The following ZDHHC20 variants were observed in gnomAD, a reference collection of about 807,000 sequenced individuals.
ZDHHC20 encodes palmitoyltransferase ZDHHC20.
In ZDHHC20, 43 loss-of-function variants were observed where a neutral mutation model predicts 57.8. The observed-to-expected ratio is 0.74, with a 90% confidence interval of 0.58 to 0.96. The LOEUF is 0.96. ZDHHC20 is among the 40% of genes least tolerant of loss of function. The pLI, the probability that ZDHHC20 is intolerant of heterozygous loss-of-function variation, is 0.00. For missense variants in ZDHHC20, 391 were observed against 441.1 expected (o/e 0.89, Z 1.02); for synonymous variants, 157 against 153.0 (o/e 1.03, Z -0.19).
At position 21,459,230 on chromosome 13, in the gene ZDHHC20, G is replaced by A; in HGVS notation, c.-59C>T. On this transcript the variant is annotated 5_prime_UTR_variant, in exon 1 of 13. Coordinates refer to ENST00000400590, the MANE Select transcript of ZDHHC20 (RefSeq NM_001330059.2). Reference sequence around the variant, plus strand: ...CCGTTCTGGGGAGCGCGGGAGCCCCGGCGACGGTGACTCGGACGCTCCAGG... The same window carrying A: ...CCGTTCTGGGGAGCGCGGGAGCCCCAGCGACGGTGACTCGGACGCTCCAGG... 3 of 1,382,374 alleles carry A rather than the reference G, an allele frequency of 2.2e-6. No homozygotes were observed. The highest frequency in any genetic ancestry group is 3.0e-6 in the Non-Finnish European group (3 of 1,016,780). 85.6% of individuals were successfully genotyped at this position (1,382,374 alleles called of 1,614,324 possible). A position where few individuals can be genotyped will look rare whatever the true frequency, so the allele number is the denominator to read the frequency against.
At chr13:21,426,275 A>C (rs1881236397) in intron 1 of ZDHHC20, among the ~76,000 whole-genome samples, 1 of 152,202 alleles carries the variant, frequency 6.6e-6, no homozygotes, top group African/African-American at 2.4e-5. Context: ...TCAGTCTACC[A>C]AGCCTGAAAC....
intron 7 of ZDHHC20, among the ~76,000 whole-genome samples, chr13:21,399,866 T>C (rs557755574): frequency 4.6e-5 from 7 of 152,286 alleles, no homozygotes; most frequent in South Asian, 2.1e-4. Context: ...TTAAGCTGCA[T>C]TGCATTCCTT....
chr13:21,441,155 G>A (rs1210501191), intron 1 of ZDHHC20, among the ~76,000 whole-genome samples: 1 of 152,112 alleles, frequency 6.6e-6, no homozygotes, highest in Non-Finnish European at 1.5e-5. Context: ...ACTGGAATTA[G>A]AATTCATTTA....
At chr13:21,415,271 G>A (rs1319112875) in intron 3 of ZDHHC20, among the ~76,000 whole-genome samples, 37 of 152,076 alleles carry the variant, frequency 2.4e-4, no homozygotes, top group Admixed American at 2.4e-3. Context: ...TTCTACTCTG[G>A]TACATTTTCC....
Position 21,373,578 on chromosome 13 carries a change from G to A in ZDHHC20, c.*3118C>T, listed in dbSNP as rs1871544751. 1 of 152,216 alleles carries A rather than the reference G, an allele frequency of 6.6e-6. No individual in the cohort carries two copies. Among genetic ancestry groups the A allele is most frequent in the African/African-American group, 2.4e-5 (1 of 41,468 alleles). The allele number at this position is 152,216 out of a possible 1,614,324, so 9.4% of individuals were successfully genotyped here. A position where few individuals can be genotyped will look rare whatever the true frequency, so the allele number is the denominator to read the frequency against. On this transcript the variant is annotated 3_prime_UTR_variant, in exon 13 of 13. Coordinates refer to ENST00000400590, the MANE Select transcript of ZDHHC20 (RefSeq NM_001330059.2). ...TTGGTTTGGCATAGTTTCAGGTACT[G>A]AATATTCAAGTAAATTTGTTCCCAG...
At chr13:21,427,293 T>G (rs2137935027) in intron 1 of ZDHHC20, among the ~76,000 whole-genome samples, 1 of 152,310 alleles carries the variant, frequency 6.6e-6, no homozygotes, top group Non-Finnish European at 1.5e-5. Flanking sequence ...ATAAGTAAAC[T>G]AAGGCTCAAA....
At chr13:21,458,771 C>T (rs1190819310) in intron 1 of ZDHHC20, among the ~76,000 whole-genome samples, 2 of 152,224 alleles carry the variant, frequency 1.3e-5, no homozygotes, top group African/African-American at 2.4e-5. Flanking sequence ...TGCAGACCCC[C>T]GGTGTCGGCG....
At position 21,442,033 on chromosome 13, in the gene ZDHHC20, T is replaced by C. The variant is rs573177123; in HGVS notation, c.119-16355A>G. Among the ~76,000 whole-genome samples the C allele has an allele frequency of 5.3e-5, 8 of 152,336 alleles. No homozygotes were observed. The East Asian group carries it at 1.5e-3, about 29-fold the overall frequency. ...AAGTATTTTGTGTGTACATAAATTT[T>C]GTTTACGTTAGGTATCATAAATTTT... On this transcript the variant is annotated intron_variant, in intron 1 of 12. Transcript: ENST00000400590.
intron 7 of ZDHHC20, among the ~76,000 whole-genome samples, chr13:21,399,168 C>T (rs187104085): frequency 6.6e-6 from 1 of 152,004 alleles, no homozygotes; most frequent in South Asian, 2.1e-4. Context: ...CATGGTGAAA[C>T]CCTGTCTCTA....
chr13:21,384,704 G>A (rs1324134442), intron 9 of ZDHHC20, among the ~76,000 whole-genome samples: 1 of 152,110 alleles, frequency 6.6e-6, no homozygotes, highest in Non-Finnish European at 1.5e-5. Flanking sequence ...AGCTTGACTG[G>A]GGCGATCTCA....
At chr13:21,381,162 A>G (rs1873331464) in intron 11 of ZDHHC20, among the ~76,000 whole-genome samples, 2 of 151,708 alleles carry the variant, frequency 1.3e-5, no homozygotes, top group African/African-American at 4.8e-5. Context: ...GCCCGCCACC[A>G]CGCCCGGCTA....
intron 3 of ZDHHC20, among the ~76,000 whole-genome samples, chr13:21,415,338 T>C (rs1439182536): frequency 1.3e-5 from 2 of 152,198 alleles, no homozygotes; most frequent in African/African-American, 4.8e-5. Context: ...TACTCTAACC[T>C]GACTAAAACA....
intron 1 of ZDHHC20, among the ~76,000 whole-genome samples, chr13:21,444,007 T>C (rs1177262363): frequency 6.6e-6 from 1 of 152,034 alleles, no homozygotes. Flanking sequence ...AATACAAAAA[T>C]TAGCCAGGTG....
chr13:21,405,418 C>G (rs1878304994), intron 4 of ZDHHC20, among the ~76,000 whole-genome samples: 1 of 152,106 alleles, frequency 6.6e-6, no homozygotes, highest in Admixed American at 6.5e-5. Flanking sequence ...GGGAAAAAGA[C>G]ACAAGTCACA....
chr13:21,427,549 C>T (rs1420506866), intron 1 of ZDHHC20, among the ~76,000 whole-genome samples: 5 of 151,876 alleles, frequency 3.3e-5, no homozygotes, highest in Non-Finnish European at 7.4e-5. Context: ...AAAAACAAAG[C>T]TAGGCCGGGC....
chr13:21,400,246 G>T (rs1877427030), intron 7 of ZDHHC20, 127 bp downstream of exon 7: 1 of 879,442 alleles, frequency 1.1e-6, no homozygotes, highest in Non-Finnish European at 1.6e-6. Flanking sequence ...GTCCTCTGAT[G>T]GATTTATAAA....
At position 21,407,459 on chromosome 13, in the gene ZDHHC20, C is replaced by G. The variant is rs144093699; in HGVS notation, c.371-4593G>C. On this transcript the variant is annotated intron_variant, in intron 4 of 12. Transcript: ENST00000400590. ...GAAAAGTGTCTGTTCATACCCTTCG[C>G]CCACATTTTGATGAGGTTGTTTTTT... is the stretch of plus-strand genomic sequence containing the variant. 2.4e-4 allele frequency among the ~76,000 whole-genome samples: 36 copies of G among 152,284 alleles called. 1 individual carries two copies. The East Asian group carries it at 6.9e-3, about 29-fold the overall frequency.
chr13:21,440,243 T>C (rs374500688), intron 1 of ZDHHC20, among the ~76,000 whole-genome samples: 242 of 151,930 alleles, frequency 1.6e-3, no homozygotes, highest in South Asian at 7.3e-3. Context: ...ACTTAGAAAA[T>C]GTGGGTGAAG....
chr13:21,443,242 G>A (rs1366440384), intron 1 of ZDHHC20, among the ~76,000 whole-genome samples: 1 of 151,678 alleles, frequency 6.6e-6, no homozygotes, highest in Non-Finnish European at 1.5e-5. Context: ...TTTTTTTAAG[G>A]CTGCCATCTC....
Sources: gnomAD v4.1 joint callset for allele counts (sites outside exome capture counted in the v4.1 genomes callset) on GRCh38, gnomAD v4.1.1 for gene constraint, MANE v1.5 for transcripts, NCBI Gene and HGNC (gene_info 2026-07-23, HGNC 2026-07-21) for gene names.